THSD7B: variants seen among roughly 807,000 people sequenced by gnomAD.
THSD7B encodes thrombospondin type-1 domain-containing protein 7B.
A neutral mutation model predicts 213.6 loss-of-function variants in THSD7B; 138 were observed. That is an observed-to-expected ratio of 0.65 (90% CI 0.56 to 0.74). The LOEUF is 0.74. Ranked by LOEUF, THSD7B falls within the 30% of genes least tolerant of loss-of-function variation. THSD7B has a pLI of 0.00. For missense variants in THSD7B, 1,931 were observed against 1,991.5 expected, an observed-to-expected ratio of 0.97 and a Z score of 0.58; for synonymous variants, 742 against 687.0, an observed-to-expected ratio of 1.08 and a Z score of -1.25.
intron 15 of THSD7B, among the ~76,000 whole-genome samples, chr2:137,502,902 T>G (rs143057150): frequency 1.9e-3 from 294 of 152,302 alleles, no homozygotes; most frequent in African/African-American, 6.9e-3. Flanking sequence ...TATATCCATG[T>G]ATGGAATATA....
intron 1 of THSD7B, among the ~76,000 whole-genome samples, chr2:136,806,341 A>G (rs2104926340): frequency 6.6e-6 from 1 of 152,334 alleles, no homozygotes; most frequent in South Asian, 2.1e-4. Flanking sequence ...CAGGCCCTTT[A>G]TATAATCTAT....
At chr2:137,081,944 A>G (rs1166575423) in intron 3 of THSD7B, among the ~76,000 whole-genome samples, 3 of 151,908 alleles carry the variant, frequency 2.0e-5, no homozygotes, top group East Asian at 1.9e-4. Context: ...CAGGATTCCT[A>G]ATTTCCCTCC....
At chr2:136,984,353 A>G (rs1348434260) in intron 2 of THSD7B, among the ~76,000 whole-genome samples, 1 of 152,190 alleles carries the variant, frequency 6.6e-6, no homozygotes, top group Non-Finnish European at 1.5e-5. Flanking sequence ...CCCTCCATGA[A>G]TGGTTTAGCA....
rs766882283 is a variant in THSD7B at position 137,095,039 on chromosome 2, A to G, written c.1117A>G (p.Ile373Val). 7.4e-6 allele frequency: 12 copies of G among 1,613,784 alleles called. No individual in the cohort carries two copies. The highest frequency in any genetic ancestry group is 1.1e-5 in the South Asian group (1 of 91,074). ...SRSRNVKHMAIGGGKECPELL... is the reference protein window; with the variant it reads ...SRSRNVKHMAVGGGKECPELL... ...GAGCCGGAACGTGAAGCACATGGCT[A>G]TTGGAGGTGGAAAGGAGTGTCCTGA... The change falls in exon 4 of 28, where the codon ATT becomes GTT. Residue 373 changes from isoleucine (I) to valine (V), a missense_variant. Transcript: ENST00000409968.
intron 7 of THSD7B, among the ~76,000 whole-genome samples, chr2:137,223,806 G>A (rs1297652680): frequency 6.6e-6 from 1 of 152,112 alleles, no homozygotes; most frequent in Non-Finnish European, 1.5e-5. Context: ...CTGATGGGAG[G>A]TGACTGGAAC....
intron 14 of THSD7B, among the ~76,000 whole-genome samples, chr2:137,431,957 A>G (rs1354115332): frequency 6.6e-6 from 1 of 152,194 alleles, no homozygotes; most frequent in East Asian, 1.9e-4. Context: ...GCTTAAACCT[A>G]CTTCCTGACT....
At chr2:136,853,301 T>C (rs1212452391) in intron 1 of THSD7B, among the ~76,000 whole-genome samples, 2 of 152,160 alleles carry the variant, frequency 1.3e-5, no homozygotes, top group African/African-American at 4.8e-5. Context: ...CAGGTCTCAG[T>C]AGTCTCTCTC....
At chr2:137,147,419 C>G (rs113101903) in intron 5 of THSD7B, among the ~76,000 whole-genome samples, 1 of 151,334 alleles carries the variant, frequency 6.6e-6, no homozygotes, top group Admixed American at 6.6e-5. Flanking sequence ...AAGTAGCATA[C>G]GCTAACAAGG....
At chr2:137,301,008 C>A (rs1683586878) in intron 12 of THSD7B, among the ~76,000 whole-genome samples, 1 of 152,036 alleles carries the variant, frequency 6.6e-6, no homozygotes, top group South Asian at 2.1e-4. Context: ...TCCCTTATTG[C>A]AATTATCATC....
At chr2:137,286,506 C>T (rs562341279) in intron 12 of THSD7B, among the ~76,000 whole-genome samples, 5 of 152,238 alleles carry the variant, frequency 3.3e-5, no homozygotes, top group Non-Finnish European at 7.4e-5. Flanking sequence ...GACTTTCATT[C>T]TCCGAATGGA....
At chr2:137,435,037 CCTT>C (rs1464538631) in intron 14 of THSD7B, among the ~76,000 whole-genome samples, 1 of 152,030 alleles carries the variant, frequency 6.6e-6, no homozygotes, top group Non-Finnish European at 1.5e-5. Flanking sequence ...TTTTTTAAAG[CCTT>C]CTTCTAGGAA....
At chr2:137,460,126 G>A (rs1687855985) in intron 15 of THSD7B, among the ~76,000 whole-genome samples, 1 of 152,156 alleles carries the variant, frequency 6.6e-6, no homozygotes, top group South Asian at 2.1e-4. Context: ...TTTTACAGAA[G>A]AGGAAACTAA....
At chr2:137,564,453 G>A (rs1681190606) in intron 16 of THSD7B, among the ~76,000 whole-genome samples, 1 of 152,152 alleles carries the variant, frequency 6.6e-6, no homozygotes, top group African/African-American at 2.4e-5. Flanking sequence ...TCTTCCCTTT[G>A]TACATTGCCC....
At chr2:137,296,048 T>C (rs1683455298) in intron 12 of THSD7B, among the ~76,000 whole-genome samples, 1 of 152,128 alleles carries the variant, frequency 6.6e-6, no homozygotes, top group Admixed American at 6.5e-5. Flanking sequence ...AAGTCAAATT[T>C]CCATTTTGCT....
chr2:136,839,512 A>T (rs1188679407), intron 1 of THSD7B, among the ~76,000 whole-genome samples: 2 of 152,204 alleles, frequency 1.3e-5, no homozygotes, highest in African/African-American at 4.8e-5. Context: ...CTGACCTTTA[A>T]TATTATTGTT....
chr2:137,519,251 A>AAAATAAATAAATAAAT (rs150919867), intron 15 of THSD7B, among the ~76,000 whole-genome samples: 6,898 of 149,128 alleles, frequency 0.046, 208 homozygotes, highest in Non-Finnish European at 0.05. Context: ...ACTCCATCTC[A>AAAATAAATAAATAAAT]AAATAAATAA....
chr2:137,048,896 T>C (rs1491003842), intron 2 of THSD7B, among the ~76,000 whole-genome samples: 1 of 152,154 alleles, frequency 6.6e-6, no homozygotes, highest in African/African-American at 2.4e-5. Context: ...TACCTAGGCT[T>C]TCTGTAAGCT....
At chr2:137,238,534 CTTTTTTTTTTTTTT>C (rs869146863) in intron 9 of THSD7B, among the ~76,000 whole-genome samples, 3 of 51,874 alleles carry the variant, frequency 5.8e-5, no homozygotes, top group South Asian at 1.2e-3. Context: ...ACTCATCTTT[CTTTTTTTTTTTTTT>C]TTTTTTTTTT....
intron 2 of THSD7B, among the ~76,000 whole-genome samples, chr2:136,981,120 G>A (rs1685570370): frequency 6.6e-6 from 1 of 152,114 alleles, no homozygotes; most frequent in African/African-American, 2.4e-5. Flanking sequence ...TTTGTATTGG[G>A]ATATTTGTAA....
Sources: allele counts gnomAD v4.1 joint callset (sites outside exome capture counted in the v4.1 genomes callset), GRCh38; gene constraint gnomAD v4.1.1; transcripts MANE v1.5; gene names NCBI Gene and HGNC (gene_info 2026-07-23, HGNC 2026-07-21).